The following FKBP5 variants were observed in gnomAD, a reference collection of about 807,000 sequenced individuals.
FKBP5 encodes peptidyl-prolyl cis-trans isomerase FKBP5.
In FKBP5, 23 loss-of-function variants were observed where a neutral mutation model predicts 50.5. The observed-to-expected ratio is 0.46, with a 90% CI of 0.33 to 0.65. The LOEUF is 0.65. Ranked by LOEUF, FKBP5 falls within the 30% of genes least tolerant of loss-of-function variation. FKBP5 has a pLI of 0.02. For missense variants in FKBP5, 411 were observed against 553.1 expected (o/e 0.74, Z 2.58); for synonymous variants, 176 against 190.6 (o/e 0.92, Z 0.63).
upstream of FKBP5, among the ~76,000 whole-genome samples, chr6:35,693,812 T>C (rs1449041692): frequency 6.7e-6 from 1 of 149,862 alleles, no homozygotes; most frequent in South Asian, 2.1e-4. Context: ...TGAGCCACTG[T>C]GCCTGGCCTC....
At chr6:35,646,724 GCTT>G (rs1764640559) in intron 1 of FKBP5, among the ~76,000 whole-genome samples, 1 of 152,098 alleles carries the variant, frequency 6.6e-6, no homozygotes, top group South Asian at 2.1e-4. Flanking sequence ...CTATGATAAA[GCTT>G]ACTGTGCTGA....
intron 1 of FKBP5, among the ~76,000 whole-genome samples, chr6:35,664,134 G>A (rs1765151022): frequency 6.6e-6 from 1 of 152,162 alleles, no homozygotes; most frequent in Non-Finnish European, 1.5e-5. Flanking sequence ...CAAGCACTAA[G>A]CCAGCAAAAA....
At chr6:35,723,719 A>T (rs1766652886) in intron 1 of FKBP5, among the ~76,000 whole-genome samples, 1 of 152,238 alleles carries the variant, frequency 6.6e-6, no homozygotes, top group African/African-American at 2.4e-5. Flanking sequence ...AGAGACCAGG[A>T]CAGACCAACT....
intron 1 of FKBP5, among the ~76,000 whole-genome samples, chr6:35,647,377 C>G (rs1257057062): frequency 2.0e-5 from 3 of 152,192 alleles, no homozygotes. Flanking sequence ...CATCAACTTC[C>G]TCTCCCCAGG....
intron 2 of FKBP5, among the ~76,000 whole-genome samples, chr6:35,698,297 G>A (rs1283003655): frequency 6.6e-6 from 1 of 151,826 alleles, no homozygotes; most frequent in Non-Finnish European, 1.5e-5. Context: ...AGTGGAGGTC[G>A]CACCACTGCA....
rs1422993464 is a variant in FKBP5 at position 35,596,498 on chromosome 6, C to CCCACTGTCA, written c.665+749_665+750insTGACAGTGG. Among the ~76,000 whole-genome samples the CCCACTGTCA allele has an allele frequency of 9.9e-4, 150 of 152,254 alleles. 1 individual carries two copies. Among genetic ancestry groups the CCCACTGTCA allele is most frequent in the African/African-American group, 3.4e-3 (141 of 41,542 alleles). On this transcript the variant is annotated intron_variant, in intron 6 of 10. Coordinates refer to ENST00000357266, the MANE Select transcript of FKBP5 (RefSeq NM_004117.4). Reference sequence around the variant, plus strand: ...CAGGTCATCAAGATTCTCAGTAACTCAGAATCCCACTGTCTGAAATCCATG... The same window carrying CCCACTGTCA: ...CAGGTCATCAAGATTCTCAGTAACTCCCACTGTCAAGAATCCCACTGTCTGAAATCCATG...
upstream of FKBP5, among the ~76,000 whole-genome samples, chr6:35,692,767 G>T (rs1766012389): frequency 6.8e-6 from 1 of 147,904 alleles, no homozygotes; most frequent in Non-Finnish European, 1.5e-5. Context: ...CTCCAGCCTG[G>T]GTGACAGAGT....
Position 35,595,543 on chromosome 6 carries a change from G to C in FKBP5, c.665+1705C>G, listed in dbSNP as rs193284336. Among the ~76,000 whole-genome samples, 4 of 152,276 alleles carry C rather than the reference G, an allele frequency of 2.6e-5. No individual in the cohort carries two copies. The East Asian group carries it at 7.7e-4, about 29-fold the overall frequency. The stretch of plus-strand genomic sequence containing the variant: ...AGACAGGCGGATCACTTGAGTCCAG[G>C]AGTTGGAGACCAGCCTGGGCAACAT... On this transcript the variant is annotated intron_variant, in intron 6 of 10. Transcript: ENST00000357266.
At chr6:35,685,045 A>G (rs966648501) in intron 1 of FKBP5, among the ~76,000 whole-genome samples, 1 of 152,000 alleles carries the variant, frequency 6.6e-6, no homozygotes, top group South Asian at 2.1e-4. Context: ...TGGGCAATAA[A>G]GCAAGACCCC....
intron 1 of FKBP5, among the ~76,000 whole-genome samples, chr6:35,670,043 T>C (rs1284271570): frequency 6.6e-6 from 1 of 152,238 alleles, no homozygotes; most frequent in East Asian, 1.9e-4. Flanking sequence ...GGTCTTTGCC[T>C]GTTTTGCTTT....
rs1331803245 is a variant in FKBP5 at position 35,659,205 on chromosome 6, C to T, written c.-19-16362G>A. Reference sequence around the variant, plus strand: ...GACTTCCTAAAATGTTTGGTAGAATCAGGAATACCATGTAGGCCTAGAGTT... The same window carrying T: ...GACTTCCTAAAATGTTTGGTAGAATTAGGAATACCATGTAGGCCTAGAGTT... On this transcript the variant is annotated intron_variant, in intron 1 of 10. Transcript: ENST00000357266. Among the ~76,000 whole-genome samples the T allele has an allele frequency of 2.4e-5, 2 of 83,240 alleles. 1 individual carries two copies. Among genetic ancestry groups the T allele is most frequent in the Non-Finnish European group, 5.5e-5 (2 of 36,194 alleles). 54.6% of individuals were successfully genotyped at this position (83,240 alleles called of 152,430 possible).
intron 7 of FKBP5, among the ~76,000 whole-genome samples, chr6:35,590,609 C>A (rs140233928): frequency 4.9e-4 from 75 of 152,202 alleles, no homozygotes; most frequent in African/African-American, 1.8e-3. Context: ...AAAATGGCTT[C>A]GGGTTAGCTG....
In FKBP5 at chr6:35,575,700, T is replaced by C. The variant is rs1222719243; in HGVS notation, c.*135A>G. 9.8e-6 allele frequency: 7 copies of C among 711,280 alleles called. No homozygotes were observed. The highest frequency in any genetic ancestry group is 1.5e-5 in the Non-Finnish European group (6 of 402,838). The allele number at this position is 711,280 out of a possible 1,614,324, so 44.1% of individuals were successfully genotyped here. A position where few individuals can be genotyped will look rare whatever the true frequency, so the allele number is the denominator to read the frequency against. On this transcript the variant is annotated 3_prime_UTR_variant, in exon 11 of 11. Transcript: ENST00000357266. ...AGGGGGGCTGTTTTTGGGAAGCTAC[T>C]GGTTTTGCCATTTGCTTCCAGAATC...
chr6:35,665,710 T>C (rs1419101879), intron 1 of FKBP5, among the ~76,000 whole-genome samples: 1 of 152,198 alleles, frequency 6.6e-6, no homozygotes, highest in African/African-American at 2.4e-5. Flanking sequence ...TACACTATCT[T>C]CCACCTAACT....
At chr6:35,712,808 C>A (rs957501847) in intron 2 of FKBP5, among the ~76,000 whole-genome samples, 1 of 152,066 alleles carries the variant, frequency 6.6e-6, no homozygotes, top group Non-Finnish European at 1.5e-5. Context: ...CTGGGCTGAC[C>A]CTAGAACTGA....
At chr6:35,677,931 G>C (rs953914494) in intron 1 of FKBP5, among the ~76,000 whole-genome samples, 1 of 151,938 alleles carries the variant, frequency 6.6e-6, no homozygotes, top group Non-Finnish European at 1.5e-5. Flanking sequence ...CTACAGGCAC[G>C]CGCCCCCACA....
At chr6:35,589,252 C>T (rs1486655997) in intron 7 of FKBP5, among the ~76,000 whole-genome samples, 1 of 151,042 alleles carries the variant, frequency 6.6e-6, no homozygotes, top group African/African-American at 2.4e-5. Flanking sequence ...TCTCAGCTTC[C>T]CGAATAGCTG....
intron 1 of FKBP5, 47 bp from the exon 2 acceptor site, chr6:35,642,890 A>G: frequency 7.1e-7 from 1 of 1,408,788 alleles, no homozygotes. Flanking sequence ...TCACTTCTTT[A>G]TGAATCTTGA....
intron 1 of FKBP5, among the ~76,000 whole-genome samples, chr6:35,650,500 C>G (rs2068631076): frequency 6.6e-6 from 1 of 151,292 alleles, no homozygotes; most frequent in Non-Finnish European, 1.5e-5. Context: ...TTGAGACAGA[C>G]TCTTGCTCTG....
Sources: gnomAD v4.1 joint callset for allele counts (sites outside exome capture counted in the v4.1 genomes callset) on GRCh38, gnomAD v4.1.1 for gene constraint, MANE v1.5 for transcripts, NCBI Gene and HGNC (gene_info 2026-07-23, HGNC 2026-07-21) for gene names.